Variants in NLGN1 observed in about 807,000 individuals in gnomAD.
NLGN1 encodes neuroligin 1, also known as neuroligin-1.
A neutral mutation model predicts 65.5 loss-of-function variants in NLGN1; 12 were observed. That is an observed-to-expected ratio of 0.18 (90% confidence interval 0.12 to 0.30). The LOEUF (loss-of-function observed/expected upper bound fraction) is 0.30, where lower values mean the gene tolerates loss of function less well. NLGN1 is among the 10% of genes least tolerant of loss of function. The pLI is 1.00. For missense variants in NLGN1, 750 were observed against 1,007.1 expected (o/e 0.74, Z 3.46); for synonymous variants, 350 against 359.5 (o/e 0.97, Z 0.30).
intron 4 of NLGN1, among the ~76,000 whole-genome samples, chr3:173,814,814 A>G (rs1343376175): frequency 6.6e-6 from 1 of 152,168 alleles, no homozygotes; most frequent in African/African-American, 2.4e-5. Flanking sequence ...TAAATAATTA[A>G]ACAAATCATA....
intron 3 of NLGN1, among the ~76,000 whole-genome samples, chr3:173,684,864 A>G (rs7623242): frequency 0.015 from 2,211 of 152,342 alleles, 68 homozygotes; most frequent in African/African-American, 0.051. Flanking sequence ...AAATTAATAC[A>G]TAACAGTGGA....
intron 4 of NLGN1, among the ~76,000 whole-genome samples, chr3:174,139,706 G>A (rs1437534160): frequency 6.6e-6 from 1 of 152,012 alleles, no homozygotes; most frequent in African/African-American, 2.4e-5. Context: ...CTAAAGTGGT[G>A]GTACCATTTT....
chr3:173,943,281 T>A (rs542118609), intron 4 of NLGN1, among the ~76,000 whole-genome samples: 11 of 152,290 alleles, frequency 7.2e-5, no homozygotes, highest in African/African-American at 2.6e-4. Flanking sequence ...GTGAGCACTT[T>A]AATATTAATT....
chr3:174,135,407 G>T (rs1223037761), intron 4 of NLGN1, among the ~76,000 whole-genome samples: 1 of 152,186 alleles, frequency 6.6e-6, no homozygotes, highest in African/African-American at 2.4e-5. Context: ...AGTTAAATAT[G>T]CTCGAAAGGG....
chr3:173,506,555 A>G (rs1732067090), intron 2 of NLGN1, among the ~76,000 whole-genome samples: 1 of 151,982 alleles, frequency 6.6e-6, no homozygotes. Context: ...GGCATTTTAA[A>G]ATATTATTTT....
chr3:173,827,833 A>C (rs78993284), intron 4 of NLGN1, among the ~76,000 whole-genome samples: 4,920 of 152,078 alleles, frequency 0.032, 103 homozygotes, highest in Non-Finnish European at 0.053. Flanking sequence ...CCAAGAGCAG[A>C]AAATAGATGT....
intron 2 of NLGN1, among the ~76,000 whole-genome samples, chr3:173,497,575 T>C (rs563969967): frequency 6.6e-6 from 1 of 151,682 alleles, no homozygotes; most frequent in South Asian, 2.1e-4. Flanking sequence ...GAGCACACTT[T>C]AAAAAAATAA....
chr3:173,596,841 G>A (rs1055157947), intron 2 of NLGN1, among the ~76,000 whole-genome samples: 3 of 151,916 alleles, frequency 2.0e-5, no homozygotes, highest in Non-Finnish European at 4.4e-5. Context: ...TGTCCTTCTG[G>A]TACTGCTTAA....
chr3:174,147,450 T>TTTTGTTTG (rs1723526386), intron 4 of NLGN1, among the ~76,000 whole-genome samples: 1 of 123,556 alleles, frequency 8.1e-6, no homozygotes, highest in Non-Finnish European at 1.6e-5. Context: ...TTTTTTTTTT[T>TTTTGTTTG]GAGACAGAGT....
intron 2 of NLGN1, among the ~76,000 whole-genome samples, chr3:173,588,103 T>C (rs1257122380): frequency 1.3e-5 from 2 of 152,206 alleles, no homozygotes; most frequent in African/African-American, 4.8e-5. Context: ...AAACCAACTT[T>C]CAATTAATTT....
chr3:174,093,210 G>T (rs1013100387), intron 4 of NLGN1, among the ~76,000 whole-genome samples: 1 of 152,128 alleles, frequency 6.6e-6, no homozygotes, highest in Non-Finnish European at 1.5e-5. Flanking sequence ...TTCAGCAAAC[G>T]CAATTTTGCA....
At chr3:173,997,464 C>A (rs776365781) in intron 4 of NLGN1, among the ~76,000 whole-genome samples, 1 of 152,056 alleles carries the variant, frequency 6.6e-6, no homozygotes, top group Non-Finnish European at 1.5e-5. Context: ...TTTTAAAATA[C>A]GTTTACAGAA....
chr3:173,401,739 G>T (rs1055744578), intron 1 of NLGN1, among the ~76,000 whole-genome samples: 6 of 152,134 alleles, frequency 3.9e-5, no homozygotes, highest in African/African-American at 1.4e-4. Context: ...CTTAGTGTTT[G>T]CCGTGATGGC....
intron 4 of NLGN1, among the ~76,000 whole-genome samples, chr3:174,068,913 G>GTAAT (rs1291491440): frequency 2.0e-5 from 3 of 152,144 alleles, no homozygotes; most frequent in African/African-American, 7.2e-5. Flanking sequence ...ATGCTGTGGG[G>GTAAT]TAATTCTAGA....
intron 4 of NLGN1, among the ~76,000 whole-genome samples, chr3:174,012,446 C>T (rs897443509): frequency 3.3e-5 from 5 of 151,998 alleles, no homozygotes; most frequent in Non-Finnish European, 7.4e-5. Flanking sequence ...AGGCACAAGC[C>T]CTTACCTTCA....
At chr3:173,777,294 T>A (rs1407021744) in intron 3 of NLGN1, among the ~76,000 whole-genome samples, 2 of 151,930 alleles carry the variant, frequency 1.3e-5, no homozygotes, top group Non-Finnish European at 2.9e-5. Context: ...GTAGCAACCA[T>A]ATGGATTTGG....
chr3:173,516,900 C>T (rs560257367), intron 2 of NLGN1, among the ~76,000 whole-genome samples: 21 of 152,048 alleles, frequency 1.4e-4, no homozygotes, highest in African/African-American at 2.9e-4. Flanking sequence ...AATTGATTAG[C>T]TTTATCTACT....
At chr3:173,801,923 T>G (rs574126512) in intron 3 of NLGN1, among the ~76,000 whole-genome samples, 9 of 152,216 alleles carry the variant, frequency 5.9e-5, no homozygotes, top group African/African-American at 2.2e-4. Context: ...AATTACTGTT[T>G]CCAAAACTAT....
intron 2 of NLGN1, among the ~76,000 whole-genome samples, chr3:173,498,625 C>A (rs1730452249): frequency 6.6e-6 from 1 of 151,824 alleles, no homozygotes; most frequent in Non-Finnish European, 1.5e-5. Flanking sequence ...TGAGGAATCA[C>A]CACACTGACT....
Sources: gnomAD v4.1 joint callset for allele counts (sites outside exome capture counted in the v4.1 genomes callset) on GRCh38, gnomAD v4.1.1 for gene constraint, MANE v1.5 for transcripts, NCBI Gene and HGNC (gene_info 2026-07-23, HGNC 2026-07-21) for gene names.